Variants in FSHR observed in about 807,000 individuals in gnomAD.
FSHR encodes the protein follicle stimulating hormone receptor.
A neutral mutation model predicts 52.1 loss-of-function variants in FSHR; 46 were observed. The ratio of observed to expected loss-of-function variants is 0.88; its 90% confidence interval spans 0.70 to 1.13. The LOEUF (loss-of-function observed/expected upper bound fraction) is 1.13, where lower values mean the gene tolerates loss of function less well. Ranked by LOEUF, FSHR falls within the 50% of genes most tolerant of loss-of-function variation. The pLI, the probability that FSHR is intolerant of heterozygous loss-of-function variation, is 0.00. For synonymous variants in FSHR, 399 were observed against 309.6 expected (o/e 1.29, Z -3.03); for missense variants, 964 against 834.6 (o/e 1.16, Z -1.91).
chr2:49,030,557 A>G (rs1444374528), intron 2 of FSHR, among the ~76,000 whole-genome samples: 1 of 152,004 alleles, frequency 6.6e-6, no homozygotes, highest in Non-Finnish European at 1.5e-5. Flanking sequence ...AGCTTCCTTT[A>G]TGAGCCACAG....
At chr2:49,113,067 C>T (rs1334157567) in intron 1 of FSHR, among the ~76,000 whole-genome samples, 14 of 152,044 alleles carry the variant, frequency 9.2e-5, no homozygotes. Context: ...AGGATGGGAG[C>T]CAGGGCAGCG....
chr2:49,057,853 A>G (rs994364812), intron 2 of FSHR, among the ~76,000 whole-genome samples: 1 of 152,242 alleles, frequency 6.6e-6, no homozygotes, highest in Non-Finnish European at 1.5e-5. Flanking sequence ...TGAGAAATGC[A>G]AGAATGTTTT....
intron 2 of FSHR, among the ~76,000 whole-genome samples, chr2:49,025,729 T>C (rs1667892022): frequency 6.6e-6 from 1 of 152,110 alleles, no homozygotes; most frequent in Admixed American, 6.5e-5. Context: ...CTAGAGAAAT[T>C]CAGGTTATTC....
At chr2:49,061,200 T>C (rs1669274353) in intron 2 of FSHR, among the ~76,000 whole-genome samples, 1 of 151,946 alleles carries the variant, frequency 6.6e-6, no homozygotes, top group African/African-American at 2.4e-5. Context: ...GAGAGCAAAC[T>C]TGCACCTCAA....
At chr2:49,043,810 C>T (rs1222053510) in intron 2 of FSHR, among the ~76,000 whole-genome samples, 1 of 152,188 alleles carries the variant, frequency 6.6e-6, no homozygotes, top group East Asian at 1.9e-4. Context: ...AGCCTGCAAC[C>T]TCTTTGAGAA....
In FSHR at chr2:48,962,441, C is replaced by A. The variant is rs886650868; in HGVS notation, c.*292G>T. 7.9e-6 allele frequency: 3 copies of A among 378,538 alleles called. No homozygotes were observed. Among genetic ancestry groups the A allele is most frequent in the African/African-American group, 6.2e-5 (3 of 48,278 alleles). 23.4% of individuals were successfully genotyped at this position (378,538 alleles called of 1,614,324 possible). ...TGTCCTGCTTATTTAACAGGGATCA[C>A]TTGAGATATCTGAACAAAAGCACTT... On this transcript the variant is annotated 3_prime_UTR_variant, in exon 10 of 10. Coordinates refer to ENST00000406846, the MANE Select transcript of FSHR (RefSeq NM_000145.4).
intron 2 of FSHR, among the ~76,000 whole-genome samples, chr2:49,053,823 G>T (rs544484612): frequency 6.6e-6 from 1 of 152,274 alleles, no homozygotes; most frequent in Non-Finnish European, 1.5e-5. Flanking sequence ...TTTAACAAGA[G>T]GATGGGAGTA....
At chr2:48,986,625 A>T (rs1370608282) in intron 6 of FSHR, among the ~76,000 whole-genome samples, 1 of 152,196 alleles carries the variant, frequency 6.6e-6, no homozygotes, top group African/African-American at 2.4e-5. Flanking sequence ...TCACTCTTAA[A>T]AGAAAACTCC....
intron 2 of FSHR, among the ~76,000 whole-genome samples, chr2:49,061,750 CTA>C (rs1388171479): frequency 2.0e-3 from 118 of 58,434 alleles, no homozygotes; most frequent in African/African-American, 4.7e-3. Context: ...TTATATATAA[CTA>C]TTTATATATA....
At chr2:49,033,086 G>A (rs1668156102) in intron 2 of FSHR, among the ~76,000 whole-genome samples, 2 of 152,112 alleles carry the variant, frequency 1.3e-5, no homozygotes, top group Non-Finnish European at 2.9e-5. Context: ...GGATCATTGT[G>A]TCTTTAAATG....
rs764832498 is a variant in FSHR, at chr2:48,962,863, A to C, written c.1958T>G (p.Ile653Ser). The C allele has an allele frequency of 6.2e-7, 1 of 1,614,126 alleles. No individual in the cohort carries two copies. The highest frequency in any genetic ancestry group is 1.7e-5 in the Admixed American group (1 of 60,018). ...KCGCYEMQAQ[I>S]YRTETSSTVH... The stretch of plus-strand genomic sequence containing the variant: ...AGTGGATGAAGTTTCTGTCCTATAA[A>C]TTTGGGCTTGCATTTCATAGCAGCC... The change falls in exon 10 of 10, where the codon ATT (isoleucine) becomes AGT (serine). Residue 653 changes from isoleucine (I) to serine (S), a missense_variant. Coordinates refer to ENST00000406846, the MANE Select transcript of FSHR (RefSeq NM_000145.4).
chr2:48,986,559 T>C (rs901962647), intron 6 of FSHR, among the ~76,000 whole-genome samples: 1 of 152,130 alleles, frequency 6.6e-6, no homozygotes, highest in African/African-American at 2.4e-5. Context: ...ATAAGAACAA[T>C]AGAAATTGTT....
chr2:49,114,847 C>T (rs1436168745), intron 1 of FSHR, among the ~76,000 whole-genome samples: 16 of 151,906 alleles, frequency 1.1e-4, no homozygotes, highest in Non-Finnish European at 1.2e-4. Context: ...AATATTGTTA[C>T]AATGATCATA....
chr2:48,999,579 G>C (rs1156532584), intron 4 of FSHR, among the ~76,000 whole-genome samples: 2 of 152,070 alleles, frequency 1.3e-5, no homozygotes. Context: ...CCTGAAGAGG[G>C]CCTTAGACTC....
At chr2:49,098,052 G>T (rs2103713443) in intron 1 of FSHR, among the ~76,000 whole-genome samples, 1 of 152,064 alleles carries the variant, frequency 6.6e-6, no homozygotes, top group East Asian at 1.9e-4. Context: ...CAACTATATG[G>T]CTAGTAGGGT....
intron 1 of FSHR, among the ~76,000 whole-genome samples, chr2:49,084,368 C>A (rs1670294782): frequency 6.6e-6 from 1 of 152,016 alleles, no homozygotes; most frequent in East Asian, 1.9e-4. Context: ...AAATTTATAG[C>A]ACTAAATGCC....
At chr2:49,085,145 C>G (rs1268113040) in intron 1 of FSHR, among the ~76,000 whole-genome samples, 1 of 151,728 alleles carries the variant, frequency 6.6e-6, no homozygotes, top group African/African-American at 2.4e-5. Flanking sequence ...AGCTTATCCA[C>G]CATGATCAAG....
At chr2:49,042,913 G>T (rs13389334) in intron 2 of FSHR, among the ~76,000 whole-genome samples, 14,944 of 152,182 alleles carry the variant, frequency 0.098, 1,001 homozygotes, top group Non-Finnish European at 0.14. Flanking sequence ...TACTGACCAG[G>T]CACCGTCTAT....
intron 8 of FSHR, among the ~76,000 whole-genome samples, chr2:48,973,936 G>A (rs1674860508): frequency 8.3e-6 from 1 of 120,260 alleles, no homozygotes; most frequent in Non-Finnish European, 1.7e-5. Flanking sequence ...TGCCCTGAGA[G>A]CAGGCTTTTG....
Sources: allele counts gnomAD v4.1 joint callset (sites outside exome capture counted in the v4.1 genomes callset), GRCh38; gene constraint gnomAD v4.1.1; transcripts MANE v1.5; gene names NCBI Gene and HGNC (gene_info 2026-07-23, HGNC 2026-07-21).